Variants in CADPS2 observed in about 807,000 individuals in gnomAD.
The protein encoded by CADPS2 is calcium-dependent secretion activator 2.
CADPS2 carries 93 observed loss-of-function variants against 172.5 expected under a neutral mutation model. The ratio of observed to expected loss-of-function variants is 0.54; its 90% confidence interval spans 0.46 to 0.64. The LOEUF is 0.64. CADPS2 is among the 30% of genes least tolerant of loss of function. The pLI is 0.00. For synonymous variants in CADPS2, 546 were observed against 555.2 expected (o/e 0.98, Z 0.23); for missense variants, 1,420 against 1,565.9 (o/e 0.91, Z 1.57).
chr7:122,773,349 TC>T (rs570433597), intron 1 of CADPS2, among the ~76,000 whole-genome samples: 12 of 152,122 alleles, frequency 7.9e-5, no homozygotes, highest in African/African-American at 2.9e-4. Flanking sequence ...AATAAATCAA[TC>T]TTTAGAAGGT....
At position 122,442,479 on chromosome 7, in the gene CADPS2, A is replaced by G. The variant is rs143703316; in HGVS notation, c.2289-904T>C. 1.8e-3 allele frequency among the ~76,000 whole-genome samples: 275 copies of G among 152,290 alleles called. 2 individuals carry two copies. The South Asian group carries it at 0.024, about 13-fold the overall frequency. ...CTCTGACTTAGAAATCTGCAAACTA[A>G]TAACTTGGAAAGAAGTTTATGTATC... is the stretch of plus-strand genomic sequence containing the variant. On this transcript the variant is annotated intron_variant, in intron 15 of 29. Coordinates refer to ENST00000449022, the MANE Select transcript of CADPS2 (RefSeq NM_017954.11).
chr7:122,632,773 G>A (rs2076700876), intron 3 of CADPS2, among the ~76,000 whole-genome samples: 1 of 152,134 alleles, frequency 6.6e-6, no homozygotes, highest in African/African-American at 2.4e-5. Context: ...ATTTGCCAAA[G>A]CTAAGGTCGA....
intron 28 of CADPS2, chr7:122,339,120 T>A (rs1372048040): frequency 1.3e-5 from 2 of 152,144 alleles, no homozygotes; most frequent in African/African-American, 4.8e-5. Flanking sequence ...GCAAAGATGG[T>A]CTTCCATCTC....
chr7:122,595,978 C>T (rs995761685), intron 6 of CADPS2, among the ~76,000 whole-genome samples: 2 of 152,020 alleles, frequency 1.3e-5, no homozygotes, highest in African/African-American at 2.4e-5. Context: ...ACTAGCACTG[C>T]GGTCCACTGT....
chr7:122,535,515 TAATA>T (rs1323457344), intron 8 of CADPS2, among the ~76,000 whole-genome samples: 2 of 152,080 alleles, frequency 1.3e-5, no homozygotes, highest in African/African-American at 4.8e-5. Context: ...GTATACCAGA[TAATA>T]AATATGTTTT....
intron 3 of CADPS2, among the ~76,000 whole-genome samples, chr7:122,651,514 T>C (rs993211086): frequency 6.6e-6 from 1 of 152,220 alleles, no homozygotes; most frequent in Middle Eastern, 3.2e-3. Context: ...AAAGAAATCA[T>C]AAACTTGAAG....
intron 1 of CADPS2, among the ~76,000 whole-genome samples, chr7:122,842,427 C>A (rs1307909304): frequency 6.6e-6 from 1 of 152,188 alleles, no homozygotes; most frequent in Non-Finnish European, 1.5e-5. Context: ...CCAGTTTCAA[C>A]CCTGCCCTGA....
At chr7:122,742,554 G>C (rs1363134815) in intron 1 of CADPS2, among the ~76,000 whole-genome samples, 2 of 152,028 alleles carry the variant, frequency 1.3e-5, no homozygotes, top group Non-Finnish European at 2.9e-5. Flanking sequence ...GGATAGTGTG[G>C]CCAACAGAGA....
At chr7:122,536,076 CA>C (rs2062237710) in intron 8 of CADPS2, among the ~76,000 whole-genome samples, 1 of 151,964 alleles carries the variant, frequency 6.6e-6, no homozygotes, top group African/African-American at 2.4e-5. Flanking sequence ...TGGGTTTCTC[CA>C]AACCTAAATT....
intron 8 of CADPS2, among the ~76,000 whole-genome samples, chr7:122,515,566 A>T (rs2060296714): frequency 6.6e-6 from 1 of 152,026 alleles, no homozygotes; most frequent in Non-Finnish European, 1.5e-5. Flanking sequence ...ATCTGGAATG[A>T]CCTTTGCCTG....
At position 122,397,083 on chromosome 7, in the gene CADPS2, G is replaced by A. The variant is rs73216118; in HGVS notation, c.2747-3501C>T. Among the ~76,000 whole-genome samples the A allele has an allele frequency of 2.0e-3, 310 of 152,190 alleles. 1 individual carries two copies. Among genetic ancestry groups the A allele is most frequent in the Middle Eastern group, 3.4e-3 (1 of 294 alleles). On this transcript the variant is annotated intron_variant, in intron 20 of 29. Transcript: ENST00000449022. Reference sequence around the variant, plus strand: ...TTCTATTTTTAACCCATATGTACAAGATCGGACTGCTAAAAATTCTAATGA... The same window carrying A: ...TTCTATTTTTAACCCATATGTACAAAATCGGACTGCTAAAAATTCTAATGA...
At chr7:122,495,453 T>C (rs892657442) in intron 9 of CADPS2, among the ~76,000 whole-genome samples, 2 of 152,206 alleles carry the variant, frequency 1.3e-5, no homozygotes, top group African/African-American at 2.4e-5. Context: ...ATATCATACA[T>C]ATTATTCTGC....
chr7:122,581,105 T>G, intron 7 of CADPS2, 74 bp downstream of exon 7: 1 of 1,028,342 alleles, frequency 9.7e-7, no homozygotes. Context: ...TATGGCATAC[T>G]GATCTACCTT....
chr7:122,386,811 G>T (rs2043743333), intron 24 of CADPS2, among the ~76,000 whole-genome samples: 1 of 152,044 alleles, frequency 6.6e-6, no homozygotes, highest in Non-Finnish European at 1.5e-5. Flanking sequence ...AAAATTCATG[G>T]CCACTAATGC....
intron 3 of CADPS2, among the ~76,000 whole-genome samples, chr7:122,662,892 T>C (rs1161591608): frequency 6.6e-6 from 1 of 152,178 alleles, no homozygotes; most frequent in East Asian, 1.9e-4. Context: ...GAAATACCTA[T>C]TTATTATAAT....
At chr7:122,655,005 T>A (rs1400024255) in intron 3 of CADPS2, among the ~76,000 whole-genome samples, 1 of 152,212 alleles carries the variant, frequency 6.6e-6, no homozygotes. Context: ...TAACTGGAGA[T>A]GTTCTAGAAA....
intron 9 of CADPS2, among the ~76,000 whole-genome samples, chr7:122,494,733 G>C (rs927103897): frequency 3.3e-5 from 5 of 151,998 alleles, no homozygotes; most frequent in Non-Finnish European, 7.4e-5. Context: ...CTTAATGGGA[G>C]AGATTGAGGC....
chr7:122,591,005 T>C (rs999784637), intron 6 of CADPS2, among the ~76,000 whole-genome samples: 2 of 151,998 alleles, frequency 1.3e-5, no homozygotes, highest in Non-Finnish European at 2.9e-5. Context: ...ATCACCATCA[T>C]TGTTGTTGAC....
chr7:122,630,307 C>A (rs1396292138), intron 3 of CADPS2, among the ~76,000 whole-genome samples: 1 of 151,726 alleles, frequency 6.6e-6, no homozygotes, highest in Non-Finnish European at 1.5e-5. Context: ...CAAAGAGAGT[C>A]CTCAAAAAGA....
Sources: allele counts gnomAD v4.1 joint callset (sites outside exome capture counted in the v4.1 genomes callset), GRCh38; gene constraint gnomAD v4.1.1; transcripts MANE v1.5; gene names NCBI Gene and HGNC (gene_info 2026-07-23, HGNC 2026-07-21).